TAF4B: variants seen among roughly 807,000 people sequenced by gnomAD.
TAF4B encodes transcription initiation factor TFIID subunit 4B.
Under a neutral mutation model 86.4 loss-of-function variants are expected in TAF4B, and 38 were observed. That is an observed-to-expected ratio of 0.44 (90% confidence interval 0.34 to 0.58). The LOEUF (loss-of-function observed/expected upper bound fraction) is 0.58. Among genes scored for constraint, TAF4B ranks in the 20% least tolerant of loss-of-function variants. TAF4B has a pLI of 0.02. For missense variants in TAF4B, 988 were observed against 1,027.6 expected (o/e 0.96, Z 0.53); for synonymous variants, 388 against 391.2 (o/e 0.99, Z 0.10).
intron 12 of TAF4B, among the ~76,000 whole-genome samples, chr18:26,329,352 C>T (rs1334409420): frequency 6.6e-6 from 1 of 152,134 alleles, no homozygotes; most frequent in Non-Finnish European, 1.5e-5. Flanking sequence ...ACACTGTGCC[C>T]AGCCATTTTT....
At chr18:26,346,785 A>ATATATATGTGTATATATATATGTGTG (rs2057188089) in intron 13 of TAF4B, among the ~76,000 whole-genome samples, 1 of 21,428 alleles carries the variant, frequency 4.7e-5, no homozygotes, top group African/African-American at 1.1e-4. Flanking sequence ...GTGTGTGTAT[A>ATATATATGTGTATATATATATGTGTG]TATATATATA....
At chr18:26,325,367 T>TA (rs1311347491) in intron 11 of TAF4B, among the ~76,000 whole-genome samples, 2 of 152,208 alleles carry the variant, frequency 1.3e-5, no homozygotes, top group African/African-American at 4.8e-5. Flanking sequence ...CTTAACATTG[T>TA]AAAGCCCTAC....
intron 5 of TAF4B, among the ~76,000 whole-genome samples, chr18:26,280,362 A>G (rs2056433117): frequency 6.6e-6 from 1 of 152,188 alleles, no homozygotes; most frequent in Non-Finnish European, 1.5e-5. Flanking sequence ...GATACTATCA[A>G]CAGAGTAAAC....
In TAF4B at chr18:26,274,696, A is replaced by G. The variant is rs2056361487; in HGVS notation, c.631A>G (p.Thr211Ala). 1 of 1,613,968 alleles carries G rather than the reference A, an allele frequency of 6.2e-7. No homozygotes were observed. The highest frequency in any genetic ancestry group is 8.5e-7 in the Non-Finnish European group (1 of 1,180,010). The change falls in exon 4 of 15, where the codon ACT becomes GCT. Residue 211 changes from threonine to alanine, a missense_variant. Physicochemically the swap from Thr to Ala is moderately conservative, Grantham distance 58. This residue lies in a region of TAF4B where 747 missense variants were observed against 737.9 expected (regional missense o/e 1.01). Coordinates refer to ENST00000269142, the MANE Select transcript of TAF4B (RefSeq NM_005640.3). Reference sequence around the variant, plus strand: ...TGTGCCAACCAGTGTCGTCACAGTTACTCCTGGAAAGCCATTGAATACTGT... The same window carrying G: ...TGTGCCAACCAGTGTCGTCACAGTTGCTCCTGGAAAGCCATTGAATACTGT... Reference protein sequence around the residue: ...VAVPTSVVTVTPGKPLNTVTT... With the variant: ...VAVPTSVVTVAPGKPLNTVTT...
At chr18:26,370,585 A>G (rs1567926807) in intron 14 of TAF4B, among the ~76,000 whole-genome samples, 1 of 152,082 alleles carries the variant, frequency 6.6e-6, no homozygotes, top group Non-Finnish European at 1.5e-5. Context: ...ACCACCTCTC[A>G]TTGCTTCTAT....
At chr18:26,331,225 A>G (rs2057047934) in intron 12 of TAF4B, among the ~76,000 whole-genome samples, 1 of 129,118 alleles carries the variant, frequency 7.7e-6, no homozygotes, top group South Asian at 3.6e-4. Flanking sequence ...GTTTATTGGT[A>G]TTTTATTTCC....
At chr18:26,320,696 A>G (rs753112750) in intron 10 of TAF4B, among the ~76,000 whole-genome samples, 17 of 152,212 alleles carry the variant, frequency 1.1e-4, no homozygotes, top group African/African-American at 1.9e-4. Flanking sequence ...AAACAGGGCA[A>G]AATGTAATTT....
intron 1 of TAF4B, among the ~76,000 whole-genome samples, chr18:26,258,159 C>A (rs976344023): frequency 9.3e-5 from 14 of 151,258 alleles, no homozygotes; most frequent in African/African-American, 3.4e-4. Flanking sequence ...GAGGCTGAGG[C>A]AGGAGAATTG....
At chr18:26,364,180 G>A (rs1791758) in intron 14 of TAF4B, among the ~76,000 whole-genome samples, 53,217 of 151,930 alleles carry the variant, frequency 0.35, 11,399 homozygotes, top group East Asian at 0.81. Flanking sequence ...AAATTGAATA[G>A]CATCAGCTGC....
At chr18:26,253,615 T>G (rs1039210790) in intron 1 of TAF4B, among the ~76,000 whole-genome samples, 4 of 152,208 alleles carry the variant, frequency 2.6e-5, no homozygotes, top group African/African-American at 9.7e-5. Flanking sequence ...TCCCTGCTTT[T>G]TTATTTTTTG....
At chr18:26,293,785 C>A (rs928091274) in intron 9 of TAF4B, among the ~76,000 whole-genome samples, 2 of 152,112 alleles carry the variant, frequency 1.3e-5, no homozygotes, top group Non-Finnish European at 2.9e-5. Flanking sequence ...CACCTTTATG[C>A]ACCTTTGAAA....
chr18:26,303,058 A>C (rs1346024945), intron 9 of TAF4B, among the ~76,000 whole-genome samples: 33 of 87,326 alleles, frequency 3.8e-4, no homozygotes, highest in Admixed American at 6.4e-4. Context: ...CCACTTTCAT[A>C]CCCGCTCCAC....
intron 14 of TAF4B, among the ~76,000 whole-genome samples, chr18:26,368,652 A>G (rs1202261227): frequency 1.3e-5 from 2 of 152,084 alleles, no homozygotes; most frequent in Non-Finnish European, 2.9e-5. Context: ...AAATGTATAG[A>G]TTCAGTAGAA....
At chr18:26,366,675 G>A (rs573415738) in intron 14 of TAF4B, among the ~76,000 whole-genome samples, 2 of 152,268 alleles carry the variant, frequency 1.3e-5, no homozygotes, top group East Asian at 3.9e-4. Context: ...GGAAACAATA[G>A]AAGAATATTT....
intron 11 of TAF4B, among the ~76,000 whole-genome samples, chr18:26,326,077 A>G (rs552586171): frequency 2.4e-3 from 373 of 152,260 alleles, no homozygotes; most frequent in African/African-American, 8.5e-3. Context: ...CGGTTTTTCT[A>G]CTATACAGTT....
chr18:26,345,760 A>G (rs1382384488), intron 13 of TAF4B, among the ~76,000 whole-genome samples: 1 of 152,158 alleles, frequency 6.6e-6, no homozygotes, highest in Non-Finnish European at 1.5e-5. Flanking sequence ...GGATACATCA[A>G]ACATGAAAAA....
At chr18:26,326,358 G>A (rs1014517723) in intron 11 of TAF4B, among the ~76,000 whole-genome samples, 5 of 152,122 alleles carry the variant, frequency 3.3e-5, no homozygotes, top group Non-Finnish European at 5.9e-5. Flanking sequence ...TTCTGTTATG[G>A]CTGTCATTTA....
chr18:26,341,004 A>C (rs1393765040), intron 13 of TAF4B, among the ~76,000 whole-genome samples: 2 of 152,106 alleles, frequency 1.3e-5, no homozygotes, highest in African/African-American at 4.8e-5. Context: ...AATATTAGAG[A>C]TTCATAAGAA....
chr18:26,263,666 A>G (rs2056199692), intron 1 of TAF4B, among the ~76,000 whole-genome samples: 1 of 152,090 alleles, frequency 6.6e-6, no homozygotes, highest in Admixed American at 6.6e-5. Flanking sequence ...ATTCTTCCCT[A>G]TCCCAAGTTC....
Sources: allele counts gnomAD v4.1 joint callset (sites outside exome capture counted in the v4.1 genomes callset), GRCh38; gene constraint gnomAD v4.1.1; regional missense constraint gnomAD v4.1.1; transcripts MANE v1.5; gene names NCBI Gene and HGNC (gene_info 2026-07-23, HGNC 2026-07-21).